SUCLG2: variants seen among roughly 807,000 people sequenced by gnomAD.
The protein encoded by SUCLG2 is succinate-CoA ligase GDP-forming subunit beta, also known as succinate--CoA ligase [GDP-forming] subunit beta, mitochondrial.
A neutral mutation model predicts 47.9 loss-of-function variants in SUCLG2; 42 were observed. The ratio of observed to expected loss-of-function variants is 0.88; its 90% CI spans 0.69 to 1.14. SUCLG2 has a LOEUF of 1.14. Ranked by LOEUF, SUCLG2 falls within the 50% of genes most tolerant of loss-of-function variation. SUCLG2 has a pLI of 0.00. For missense variants in SUCLG2, 571 were observed against 525.9 expected (o/e 1.09, Z -0.84); for synonymous variants, 195 against 197.3 (o/e 0.99, Z 0.10).
Position 67,375,596 on chromosome 3 carries a change from GA to G in SUCLG2, c.*147del. 1 of 1,427,120 alleles carries G rather than the reference GA, an allele frequency of 7.0e-7. No homozygotes were observed. The highest frequency in any genetic ancestry group is 9.1e-7 in the Non-Finnish European group (1 of 1,093,622). The allele number at this position is 1,427,120 out of a possible 1,614,324, so 88.4% of individuals were successfully genotyped here. A position where few individuals can be genotyped will look rare whatever the true frequency, so the allele number is the denominator to read the frequency against. Reference sequence around the variant, plus strand: ...TAGGCTGTCTAGATATCTTATTCCAGAAAACACAGATTTAAGATTTTTCAGT... The same window carrying G: ...TAGGCTGTCTAGATATCTTATTCCAGAAACACAGATTTAAGATTTTTCAGT... On this transcript the variant is annotated 3_prime_UTR_variant, in exon 11 of 11. Transcript: ENST00000307227.
intron 10 of SUCLG2, among the ~76,000 whole-genome samples, chr3:67,382,293 G>T (rs1162825483): frequency 1.3e-5 from 2 of 152,126 alleles, no homozygotes; most frequent in Non-Finnish European, 2.9e-5. Context: ...TTCGGAACTG[G>T]CCCGACATCC....
At chr3:67,465,022 T>C (rs1469664973) in intron 9 of SUCLG2, among the ~76,000 whole-genome samples, 3 of 152,164 alleles carry the variant, frequency 2.0e-5, no homozygotes, top group Non-Finnish European at 2.9e-5. Context: ...GCAGGGCACC[T>C]GTGGTTATGT....
At chr3:67,610,508 G>GAAA (rs796945028) in intron 1 of SUCLG2, among the ~76,000 whole-genome samples, 2 of 124,318 alleles carry the variant, frequency 1.6e-5, no homozygotes, top group Non-Finnish European at 3.5e-5. Context: ...TTAAAAGAAG[G>GAAA]AAAAAAAAAA....
At chr3:67,414,373 T>C (rs968048257) in intron 9 of SUCLG2, among the ~76,000 whole-genome samples, 5 of 152,216 alleles carry the variant, frequency 3.3e-5, no homozygotes, top group African/African-American at 4.8e-5. Flanking sequence ...ATCGAGTACA[T>C]TGATGTTGGG....
chr3:67,646,602 A>T (rs1047054403), intron 1 of SUCLG2, among the ~76,000 whole-genome samples: 3 of 152,142 alleles, frequency 2.0e-5, no homozygotes, highest in Admixed American at 2.0e-4. Context: ...CTGAAAAAAT[A>T]TAAATAAAAA....
At chr3:67,608,302 C>A (rs1316346914) in intron 2 of SUCLG2, among the ~76,000 whole-genome samples, 2 of 152,188 alleles carry the variant, frequency 1.3e-5, no homozygotes, top group African/African-American at 2.4e-5. Flanking sequence ...CACTAACCCA[C>A]AGCTGACAGA....
intron 2 of SUCLG2, among the ~76,000 whole-genome samples, chr3:67,591,660 C>T (rs1708169245): frequency 6.6e-6 from 1 of 152,210 alleles, no homozygotes; most frequent in African/African-American, 2.4e-5. Flanking sequence ...ACCTCCCCAG[C>T]CATGTGGAAC....
intron 6 of SUCLG2, among the ~76,000 whole-genome samples, chr3:67,515,031 C>T (rs1026157773): frequency 2.0e-5 from 3 of 152,118 alleles, no homozygotes; most frequent in Admixed American, 6.5e-5. Flanking sequence ...AATGCTACAT[C>T]GCAATGCTCA....
chr3:67,442,677 C>A (rs1703801113), intron 9 of SUCLG2, among the ~76,000 whole-genome samples: 1 of 152,166 alleles, frequency 6.6e-6, no homozygotes, highest in African/African-American at 2.4e-5. Context: ...CCAACCCATA[C>A]AAATGTAAAG....
intron 9 of SUCLG2, among the ~76,000 whole-genome samples, chr3:67,470,353 T>G (rs1166693778): frequency 6.6e-6 from 1 of 152,222 alleles, no homozygotes; most frequent in Non-Finnish European, 1.5e-5. Flanking sequence ...TCTCGTATAC[T>G]TCAGACTGCT....
intron 2 of SUCLG2, among the ~76,000 whole-genome samples, chr3:67,593,305 T>A (rs1413905316): frequency 6.9e-6 from 1 of 144,044 alleles, no homozygotes; most frequent in Non-Finnish European, 1.5e-5. Flanking sequence ...AAATAGCATA[T>A]TTAATTGGTC....
chr3:67,423,522 C>T (rs947640284), intron 9 of SUCLG2, among the ~76,000 whole-genome samples: 7 of 152,146 alleles, frequency 4.6e-5, no homozygotes, highest in African/African-American at 1.7e-4. Flanking sequence ...CTCCTCCCAA[C>T]ATCCACCAAC....
intron 1 of SUCLG2, among the ~76,000 whole-genome samples, chr3:67,643,169 G>A (rs1330600102): frequency 6.6e-6 from 1 of 152,152 alleles, no homozygotes; most frequent in African/African-American, 2.4e-5. Context: ...CAGTGTTTGT[G>A]TTTGTTTCTG....
At position 67,654,580 on chromosome 3, in the gene SUCLG2, A is replaced by T. The variant is rs1481877599; in HGVS notation, c.7T>A (p.Ser3Thr). The T allele has an allele frequency of 3.1e-6, 4 of 1,273,852 alleles. No homozygotes were observed. The highest frequency in any genetic ancestry group is 3.0e-6 in the Non-Finnish European group (3 of 1,007,648). 78.9% of individuals were successfully genotyped at this position (1,273,852 alleles called of 1,614,324 possible). ...TTCCCGGCCTGCGCTGCTACGGGGG[A>T]CGCCATCTTAAACAGGAAACTCGGC... MA[S>T]PVAAQAGKLL... is the part of the protein sequence containing the mutation. The change falls in exon 1 of 11, where the codon TCC becomes ACC. Residue 3 changes from serine to threonine, a missense_variant. Physicochemically the swap from Ser to Thr is moderately conservative, Grantham distance 58. Transcript: ENST00000307227.
intron 9 of SUCLG2, among the ~76,000 whole-genome samples, chr3:67,435,993 C>T (rs13059542): frequency 0.033 from 5,069 of 152,250 alleles, 110 homozygotes; most frequent in African/African-American, 0.057. Context: ...CGAAGAGATG[C>T]ATACGTTATA....
chr3:67,591,533 A>T (rs1708164837), intron 2 of SUCLG2, among the ~76,000 whole-genome samples: 1 of 152,128 alleles, frequency 6.6e-6, no homozygotes, highest in African/African-American at 2.4e-5. Flanking sequence ...CATTATAGTG[A>T]ATAAGTCTCA....
chr3:67,408,296 G>A (rs888887798), intron 9 of SUCLG2, among the ~76,000 whole-genome samples: 1 of 152,074 alleles, frequency 6.6e-6, no homozygotes, highest in Non-Finnish European at 1.5e-5. Flanking sequence ...AGCATTCCTC[G>A]AAAGATACCC....
chr3:67,531,995 A>G lies in SUCLG2; in HGVS notation c.227-2809T>C, dbSNP rs79572811. 4.2e-3 allele frequency among the ~76,000 whole-genome samples: 636 copies of G among 152,256 alleles called. 8 individuals are homozygous for G. The East Asian group carries it at 0.054, about 13-fold the overall frequency. On this transcript the variant is annotated intron_variant, in intron 2 of 10. Transcript: ENST00000307227. ...TTATTTAACATTGCCTCTTGCCCCAATCCTGAACGGTATTAGAAAAGAAAA... is the reference window on the plus strand; with the variant it reads ...TTATTTAACATTGCCTCTTGCCCCAGTCCTGAACGGTATTAGAAAAGAAAA...
At chr3:67,566,947 G>T (rs1004386867) in intron 2 of SUCLG2, among the ~76,000 whole-genome samples, 1 of 152,156 alleles carries the variant, frequency 6.6e-6, no homozygotes, top group Non-Finnish European at 1.5e-5. Context: ...CACTTTGGGA[G>T]GCCAAGGCAG....
Sources: gnomAD v4.1 joint callset for allele counts (sites outside exome capture counted in the v4.1 genomes callset) on GRCh38, gnomAD v4.1.1 for gene constraint, MANE v1.5 for transcripts, NCBI Gene and HGNC (gene_info 2026-07-23, HGNC 2026-07-21) for gene names.